Variants in DOK6 observed in about 807,000 individuals in gnomAD.
DOK6 encodes docking protein 6.
DOK6 carries 22 observed loss-of-function variants against 44.0 expected under a neutral mutation model. The ratio of observed to expected loss-of-function variants is 0.50; its 90% CI spans 0.36 to 0.71. The LOEUF is 0.71. Ranked by LOEUF, DOK6 falls within the 30% of genes least tolerant of loss-of-function variation. The pLI is 0.00. For synonymous variants in DOK6, 166 were observed against 145.5 expected (o/e 1.14, Z -1.01); for missense variants, 340 against 416.4 (o/e 0.82, Z 1.60).
rs962909149 is a variant in DOK6 at position 69,811,539 on chromosome 18, T to C, written c.857-29705T>C. Among the ~76,000 whole-genome samples the C allele has an allele frequency of 5.9e-3, 131 of 22,378 alleles. 1 individual carries two copies. Among genetic ancestry groups the C allele is most frequent in the African/African-American group, 0.011 (120 of 11,384 alleles). The allele number at this position is 22,378 out of a possible 152,430, so 14.7% of individuals were successfully genotyped here. On this transcript the variant is annotated intron_variant, in intron 7 of 7. Transcript: ENST00000382713. ...AACCATTCCATTATATATATATATA[T>C]ATATATATATATATATATATATATA...
chr18:69,747,593 GC>G (rs1356674601), intron 6 of DOK6, among the ~76,000 whole-genome samples: 2 of 148,276 alleles, frequency 1.3e-5, no homozygotes, highest in East Asian at 2.0e-4. Flanking sequence ...TTTCCGCTCC[GC>G]CCCCTCCCCC....
chr18:69,655,425 T>A (rs1039370929), intron 3 of DOK6, among the ~76,000 whole-genome samples: 6 of 152,102 alleles, frequency 3.9e-5, no homozygotes, highest in Non-Finnish European at 8.8e-5. Context: ...GGATTCTCAG[T>A]GCTTAGAAGA....
In DOK6 at chr18:69,818,675, A is replaced by T. The variant is rs567143047; in HGVS notation, c.857-22569A>T. ...CACCTACATGAGCATTTGATTGAAT[A>T]ACTGGGGCTGTAGCCTAGCTATGTT... On this transcript the variant is annotated intron_variant, in intron 7 of 7. Transcript: ENST00000382713. Among the ~76,000 whole-genome samples the T allele has an allele frequency of 9.1e-4, 138 of 152,348 alleles. 1 individual carries two copies. The highest frequency in any genetic ancestry group is 3.2e-3 in the African/African-American group (134 of 41,584).
intron 3 of DOK6, among the ~76,000 whole-genome samples, chr18:69,652,700 C>G (rs1043631488): frequency 6.6e-6 from 1 of 152,162 alleles, no homozygotes; most frequent in African/African-American, 2.4e-5. Context: ...TCAGGGACAC[C>G]TGCTCCTCAG....
intron 7 of DOK6, chr18:69,781,197 G>A (rs975288117): frequency 3.3e-5 from 5 of 152,042 alleles, no homozygotes; most frequent in Admixed American, 2.6e-4. Flanking sequence ...CTCTTAAAGA[G>A]GATTTTTTTC....
intron 1 of DOK6, among the ~76,000 whole-genome samples, chr18:69,517,174 C>G (rs1207573747): frequency 6.6e-6 from 1 of 152,014 alleles, no homozygotes; most frequent in Non-Finnish European, 1.5e-5. Flanking sequence ...TCTGAAGACC[C>G]CTAAGTCAGA....
intron 1 of DOK6, among the ~76,000 whole-genome samples, chr18:69,447,326 T>G (rs1979324080): frequency 6.6e-6 from 1 of 152,174 alleles, no homozygotes; most frequent in African/African-American, 2.4e-5. Flanking sequence ...TTTCCCCATT[T>G]CTTTTTTTTG....
intron 7 of DOK6, among the ~76,000 whole-genome samples, chr18:69,834,517 A>G (rs1218279246): frequency 6.6e-6 from 1 of 152,242 alleles, no homozygotes; most frequent in Non-Finnish European, 1.5e-5. Flanking sequence ...CAAATTAGCT[A>G]GTAAAGAACT....
intron 2 of DOK6, among the ~76,000 whole-genome samples, chr18:69,574,710 A>T (rs1331077993): frequency 6.6e-6 from 1 of 152,096 alleles, no homozygotes; most frequent in African/African-American, 2.4e-5. Flanking sequence ...TAAATACCTT[A>T]CTATGAGTTT....
intron 3 of DOK6, among the ~76,000 whole-genome samples, chr18:69,629,370 T>C (rs1984635198): frequency 6.6e-6 from 1 of 152,184 alleles, no homozygotes; most frequent in Non-Finnish European, 1.5e-5. Flanking sequence ...TTTTCAATCA[T>C]ACTCAATGGC....
intron 7 of DOK6, among the ~76,000 whole-genome samples, chr18:69,824,146 T>C (rs1426483209): frequency 1.3e-5 from 2 of 151,532 alleles, no homozygotes; most frequent in Admixed American, 1.3e-4. Context: ...CTGCACCCAT[T>C]AACTCGTCAT....
At chr18:69,521,720 A>G (rs1213394754) in intron 1 of DOK6, among the ~76,000 whole-genome samples, 3 of 151,962 alleles carry the variant, frequency 2.0e-5, no homozygotes, top group Admixed American at 1.3e-4. Context: ...CAAAGGTACA[A>G]TTAGGAGAAA....
intron 7 of DOK6, among the ~76,000 whole-genome samples, chr18:69,777,119 G>A (rs2144771929): frequency 7.1e-6 from 1 of 140,066 alleles, no homozygotes; most frequent in African/African-American, 2.6e-5. Flanking sequence ...TTGTGCACAT[G>A]TACCCTAAAA....
At chr18:69,513,889 T>G (rs1300434203) in intron 1 of DOK6, among the ~76,000 whole-genome samples, 3 of 152,150 alleles carry the variant, frequency 2.0e-5, no homozygotes, top group Non-Finnish European at 2.9e-5. Context: ...TAATTTGCAT[T>G]GCAAGTTAGT....
intron 1 of DOK6, among the ~76,000 whole-genome samples, chr18:69,519,647 G>A (rs754170746): frequency 1.3e-5 from 2 of 151,846 alleles, no homozygotes; most frequent in African/African-American, 2.4e-5. Context: ...GTTTTAAAGA[G>A]CTTCTTTGGA....
chr18:69,745,280 C>T (rs1219152920), intron 6 of DOK6, among the ~76,000 whole-genome samples: 1 of 152,054 alleles, frequency 6.6e-6, no homozygotes, highest in East Asian at 1.9e-4. Flanking sequence ...TAAAAAAATA[C>T]AGTTTTGATT....
chr18:69,611,740 T>G (rs1984144863), intron 3 of DOK6, among the ~76,000 whole-genome samples: 1 of 152,182 alleles, frequency 6.6e-6, no homozygotes, highest in Non-Finnish European at 1.5e-5. Context: ...TTAGATACCA[T>G]GTGATTCTGT....
intron 1 of DOK6, among the ~76,000 whole-genome samples, chr18:69,543,922 AATG>A (rs1982333325): frequency 6.6e-6 from 1 of 151,582 alleles, no homozygotes; most frequent in African/African-American, 2.4e-5. Flanking sequence ...TTGAAGGGGT[AATG>A]ATGACTAAAC....
intron 7 of DOK6, among the ~76,000 whole-genome samples, chr18:69,814,419 T>C (rs1448734454): frequency 1.3e-5 from 2 of 152,066 alleles, no homozygotes; most frequent in Non-Finnish European, 2.9e-5. Context: ...CTGGAGGTGA[T>C]GGGAGACAGT....
Sources: gnomAD v4.1 joint callset for allele counts (sites outside exome capture counted in the v4.1 genomes callset) on GRCh38, gnomAD v4.1.1 for gene constraint, MANE v1.5 for transcripts, NCBI Gene and HGNC (gene_info 2026-07-23, HGNC 2026-07-21) for gene names.